CATSPERB: variants seen among roughly 807,000 people sequenced by gnomAD.
CATSPERB encodes the protein catsper channel auxiliary subunit beta.
In CATSPERB, 93 loss-of-function variants were observed where a neutral mutation model predicts 128.3. That is an observed-to-expected ratio of 0.72 (90% CI 0.61 to 0.86). The LOEUF is 0.86. CATSPERB is among the 40% of genes least tolerant of loss of function. The probability of loss-of-function intolerance (pLI) is 0.00; values close to 1 mark genes in which losing one functional copy is unlikely to be tolerated. For synonymous variants in CATSPERB, 381 were observed against 448.8 expected (o/e 0.85, Z 1.91); for missense variants, 1,153 against 1,329.5 (o/e 0.87, Z 2.06).
intron 26 of CATSPERB, among the ~76,000 whole-genome samples, chr14:91,584,068 T>C (rs1350944162): frequency 2.0e-5 from 3 of 151,828 alleles, no homozygotes; most frequent in Non-Finnish European, 2.9e-5. Context: ...ACTTTCTTTT[T>C]TTTCCTTTTT....
At chr14:91,657,275 T>G (rs1894804229) in intron 15 of CATSPERB, among the ~76,000 whole-genome samples, 1 of 152,196 alleles carries the variant, frequency 6.6e-6, no homozygotes, top group East Asian at 1.9e-4. Flanking sequence ...ATAGAACATA[T>G]GTTAGGCCAT....
At chr14:91,632,369 AG>A (rs923774657) in intron 17 of CATSPERB, among the ~76,000 whole-genome samples, 86 of 152,196 alleles carry the variant, frequency 5.7e-4, no homozygotes, top group African/African-American at 2.0e-3. Flanking sequence ...AAATGGGCAA[AG>A]GATTTGAATG....
Position 91,636,550 on chromosome 14 carries a change from A to C in CATSPERB, c.1617T>G (p.Leu539=), listed in dbSNP as rs762342661. 10 of 1,614,026 alleles carry C rather than the reference A, an allele frequency of 6.2e-6. No individual in the cohort carries two copies. Residue 539 remains leucine (L), a synonymous_variant, in exon 17 of 27, where the codon CTT becomes CTG. Coordinates refer to ENST00000256343, the MANE Select transcript of CATSPERB (RefSeq NM_024764.4). ...CATCTAAGGAGGTGTGCTGTGGGGC[A>C]AGCGCAGTCTCAAAGCCCATATCTG... The part of the protein sequence containing the change: ...QPPDMGFETA[L]APQHTSLDEI...
At chr14:91,599,092 C>CT (rs1446131989) in intron 22 of CATSPERB, among the ~76,000 whole-genome samples, 1 of 152,080 alleles carries the variant, frequency 6.6e-6, no homozygotes, top group African/African-American at 2.4e-5. Context: ...TGGAGGGGTG[C>CT]TCTCAGACCT....
At chr14:91,631,500 C>T (rs1894276110) in intron 17 of CATSPERB, among the ~76,000 whole-genome samples, 1 of 152,030 alleles carries the variant, frequency 6.6e-6, no homozygotes, top group Admixed American at 6.6e-5. Context: ...CCCGTCTCTA[C>T]TAAATATACA....
intron 20 of CATSPERB, among the ~76,000 whole-genome samples, chr14:91,614,557 CTG>C (rs1893898963): frequency 6.6e-6 from 1 of 151,916 alleles, no homozygotes; most frequent in African/African-American, 2.4e-5. Context: ...ACCAGGGAGA[CTG>C]AGGTGGGAGG....
In CATSPERB at chr14:91,725,105, T is replaced by C. The variant is rs1896098013; in HGVS notation, c.143A>G (p.Lys48Arg). 2.5e-6 allele frequency: 4 copies of C among 1,586,224 alleles called. No individual in the cohort carries two copies. Among genetic ancestry groups the C allele is most frequent in the Admixed American group, 1.8e-5 (1 of 56,180 alleles). The change falls in exon 3 of 27, where the codon AAG becomes AGG. Residue 48 changes from lysine to arginine, a missense_variant. Lys to Arg is a conservative substitution (Grantham distance 26, BLOSUM62 2). Transcript: ENST00000256343. Reference sequence around the variant, plus strand: ...CAAGTTTTCTAAGAAAAGATACAACTTGATTATTTCATTCTCTTGAGGGAA... The same window carrying C: ...CAAGTTTTCTAAGAAAAGATACAACCTGATTATTTCATTCTCTTGAGGGAA... The part of the protein sequence containing the change: ...KGFPQENEII[K>R]LYLFLENLKI...
At chr14:91,586,473 G>A (rs7154839) in intron 26 of CATSPERB, among the ~76,000 whole-genome samples, 4,261 of 151,250 alleles carry the variant, frequency 0.028, 121 homozygotes, top group Non-Finnish European at 0.036. Context: ...GGTTTGCACT[G>A]CTGCAATGGC....
chr14:91,659,167 T>C (rs2139820367), intron 15 of CATSPERB, among the ~76,000 whole-genome samples: 1 of 152,278 alleles, frequency 6.6e-6, no homozygotes, highest in Non-Finnish European at 1.5e-5. Context: ...AGGAGGAGGA[T>C]ATTGAACATT....
chr14:91,723,919 GAAAT>G (rs1896075768), intron 3 of CATSPERB, among the ~76,000 whole-genome samples: 1 of 152,174 alleles, frequency 6.6e-6, no homozygotes, highest in South Asian at 2.1e-4. Flanking sequence ...TAGAAAAAAT[GAAAT>G]AAATATAGAA....
intron 5 of CATSPERB, among the ~76,000 whole-genome samples, chr14:91,711,812 C>T (rs1895844943): frequency 1.3e-5 from 2 of 152,168 alleles, no homozygotes; most frequent in Admixed American, 6.5e-5. Context: ...CATGGGGCAT[C>T]TACTAAATAA....
chr14:91,668,323 A>T (rs1198000686), intron 14 of CATSPERB, among the ~76,000 whole-genome samples: 1 of 149,454 alleles, frequency 6.7e-6, no homozygotes, highest in Non-Finnish European at 1.5e-5. Context: ...ACTCTGTGAA[A>T]ACACACCAAT....
At chr14:91,604,917 T>C in intron 22 of CATSPERB, 1 of 1,230,726 alleles carries the variant, frequency 8.1e-7, no homozygotes, top group Non-Finnish European at 1.2e-6. Context: ...TGTTTGTAGC[T>C]GAGGTTCAGG....
chr14:91,679,399 G>T (rs1403779850), intron 11 of CATSPERB, among the ~76,000 whole-genome samples: 3 of 152,104 alleles, frequency 2.0e-5, no homozygotes, highest in Admixed American at 6.5e-5. Context: ...GGTTGTTTAG[G>T]AAAGAGATAA....
intron 23 of CATSPERB, among the ~76,000 whole-genome samples, chr14:91,589,911 T>C (rs537776382): frequency 6.6e-6 from 1 of 152,268 alleles, no homozygotes; most frequent in Admixed American, 6.5e-5. Flanking sequence ...TTCACAGGAA[T>C]TTACTATGAT....
chr14:91,673,127 C>A, intron 12 of CATSPERB, 111 bp from the exon 13 acceptor site: 1 of 1,003,086 alleles, frequency 1.0e-6, no homozygotes, highest in Non-Finnish European at 1.4e-6. Context: ...GTTTTTTGAA[C>A]AAACATAGAA....
chr14:91,720,557 A>G (rs576909325), intron 4 of CATSPERB, among the ~76,000 whole-genome samples: 5 of 152,182 alleles, frequency 3.3e-5, no homozygotes, highest in Non-Finnish European at 7.4e-5. Context: ...CTCTGAAAAC[A>G]TAAAACATTG....
intron 17 of CATSPERB, among the ~76,000 whole-genome samples, chr14:91,634,659 T>C (rs891427826): frequency 4.3e-5 from 1 of 23,106 alleles, no homozygotes; most frequent in African/African-American, 2.3e-4. Context: ...GTGATATATA[T>C]ATATATACAT....
At chr14:91,649,910 T>C (rs1439068879) in intron 15 of CATSPERB, among the ~76,000 whole-genome samples, 1 of 152,188 alleles carries the variant, frequency 6.6e-6, no homozygotes, top group Non-Finnish European at 1.5e-5. Flanking sequence ...TTATTTCCTC[T>C]GAATCACATG....
Sources: gnomAD v4.1 joint callset for allele counts (sites outside exome capture counted in the v4.1 genomes callset) on GRCh38, gnomAD v4.1.1 for gene constraint, MANE v1.5 for transcripts, NCBI Gene and HGNC (gene_info 2026-07-23, HGNC 2026-07-21) for gene names.